SACS: variants seen among roughly 807,000 people sequenced by gnomAD.
SACS encodes the protein sacsin.
SACS carries 197 observed loss-of-function variants against 348.0 expected under a neutral mutation model. The observed-to-expected ratio is 0.57, with a 90% CI of 0.50 to 0.64. SACS has a LOEUF of 0.64. Ranked by LOEUF, SACS falls within the 30% of genes least tolerant of loss-of-function variation. SACS has a pLI of 0.00. For synonymous variants in SACS, 1,985 were observed against 1,910.6 expected (o/e 1.04, Z -1.02); for missense variants, 4,999 against 5,360.8 (o/e 0.93, Z 2.11).
rs1317358991 is a variant in SACS at position 23,341,708 on chromosome 13, A to C, written c.2186-18T>G. On this transcript the variant is annotated intron_variant, in intron 9 of 9. Coordinates refer to ENST00000382292, the MANE Select transcript of SACS (RefSeq NM_014363.6). ...TGGTCTTCCTGTAAATCATACACAG[A>C]AATGTCATAAATACATATAATTCTA... 1 of 1,603,776 alleles carries C rather than the reference A, an allele frequency of 6.2e-7. No individual in the cohort carries two copies. Among genetic ancestry groups the C allele is most frequent in the Admixed American group, 1.7e-5 (1 of 59,986 alleles).
In SACS at chr13:23,339,213, T is replaced by C. The variant is rs371171052; in HGVS notation, c.4663A>G (p.Lys1555Glu). The C allele has an allele frequency of 6.2e-7, 1 of 1,611,228 alleles. No homozygotes were observed. The highest frequency in any genetic ancestry group is 1.3e-5 in the African/African-American group (1 of 74,802). The change falls in exon 10 of 10, where the codon AAA (lysine) becomes GAA (glutamate). Residue 1555 changes from lysine (K) to glutamate (E), a missense_variant. Lys to Glu is a moderately conservative substitution (Grantham distance 56). Around this residue, in one of 6 missense-constraint regions of SACS, gnomAD observed 3,156 missense variants for 3,380.1 expected, o/e 0.93. Transcript: ENST00000382292. ...LKRGEVDKVGKFGLGFNSVYH... is the reference protein window; with the variant it reads ...LKRGEVDKVGEFGLGFNSVYH... ...ACAGAATTAAATCCAAGACCAAATT[T>C]TCCAACTTTGTCAACTTCTCCCCTT...
chr13:23,338,788 C>A lies in SACS; in HGVS notation c.5088G>T (p.Lys1696Asn). The A allele has an allele frequency of 1.2e-6, 2 of 1,612,534 alleles. No individual in the cohort carries two copies. Among genetic ancestry groups the A allele is most frequent in the Admixed American group, 1.7e-5 (1 of 59,852 alleles). ...FTQSVKSMYL[K>N]YLKIEETNPS... ...GGTTGGTTTCCTCAATTTTCAAGTACTTCAAATACATTGACTTTACACTCT... is the reference window on the plus strand; with the variant it reads ...GGTTGGTTTCCTCAATTTTCAAGTAATTCAAATACATTGACTTTACACTCT... The change falls in exon 10 of 10, where the codon AAG becomes AAT. Residue 1696 changes from lysine to asparagine, a missense_variant. Coordinates refer to ENST00000382292, the MANE Select transcript of SACS (RefSeq NM_014363.6).
intron 1 of SACS, among the ~76,000 whole-genome samples, chr13:23,412,959 C>T (rs1449251167): frequency 6.6e-6 from 1 of 152,138 alleles, no homozygotes; most frequent in Admixed American, 6.5e-5. Context: ...CCAAGGAAGC[C>T]TCAGTGAAAA....
intron 2 of SACS, among the ~76,000 whole-genome samples, chr13:23,378,438 G>A (rs1011790453): frequency 1.3e-5 from 2 of 151,994 alleles, no homozygotes; most frequent in South Asian, 2.1e-4. Context: ...TTCCTCTTAC[G>A]TCGATCACCA....
At chr13:23,393,476 C>G (rs1872605316) in intron 2 of SACS, among the ~76,000 whole-genome samples, 1 of 152,158 alleles carries the variant, frequency 6.6e-6, no homozygotes, top group Non-Finnish European at 1.5e-5. Context: ...TGCTCATTTC[C>G]TTGGCCCTCT....
Position 23,338,246 on chromosome 13 carries a change from C to T in SACS, c.5630G>A (p.Arg1877Gln), listed in dbSNP as rs772866081. Residue 1877 changes from arginine (R) to glutamine (Q), a missense_variant, in exon 10 of 10, where the codon CGA becomes CAA. By Grantham distance (43) the Arg-to-Gln change is conservative. Coordinates refer to ENST00000382292, the MANE Select transcript of SACS (RefSeq NM_014363.6). ...ATGAACTGGCAAGCCTGTTTTTATT[C>T]GTAAAGGTAAATAGCAAAACACCTC... Reference protein sequence around the residue: ...IGEVFCYLPLRIKTGLPVHIN... With the variant: ...IGEVFCYLPLQIKTGLPVHIN... The T allele has an allele frequency of 2.3e-5, 37 of 1,613,886 alleles. No individual in the cohort carries two copies. The highest frequency in any genetic ancestry group is 8.3e-5 in the Admixed American group (5 of 59,994).
chr13:23,368,573 A>AT, intron 4 of SACS, 86 bp from the exon 5 acceptor site: 1 of 915,490 alleles, frequency 1.1e-6, no homozygotes, highest in African/African-American at 1.6e-5. Context: ...GAGACATCAT[A>AT]TAACTATACA....
intron 2 of SACS, among the ~76,000 whole-genome samples, chr13:23,388,490 T>A (rs1872396047): frequency 5.1e-5 from 1 of 19,602 alleles, no homozygotes; most frequent in African/African-American, 1.2e-4. Context: ...TGTGTGTGTA[T>A]ATATATATAT....
intron 1 of SACS, among the ~76,000 whole-genome samples, chr13:23,418,027 A>G (rs896451227): frequency 6.7e-6 from 1 of 149,488 alleles, no homozygotes; most frequent in Non-Finnish European, 1.5e-5. Flanking sequence ...AGACTGCATC[A>G]TTGCACTCCA....
intron 2 of SACS, among the ~76,000 whole-genome samples, chr13:23,403,650 T>A (rs1267909764): frequency 6.6e-6 from 1 of 152,180 alleles, no homozygotes; most frequent in Non-Finnish European, 1.5e-5. Context: ...CTTTCTTTAT[T>A]AGTCTGGCTA....
At chr13:23,361,928 C>G (rs560678656) in intron 6 of SACS, among the ~76,000 whole-genome samples, 20 of 152,340 alleles carry the variant, frequency 1.3e-4, no homozygotes, top group African/African-American at 4.3e-4. Context: ...CCAGCCAAAT[C>G]TCCTTGTTAA....
intron 2 of SACS, among the ~76,000 whole-genome samples, chr13:23,394,877 T>C (rs761290550): frequency 5.3e-5 from 8 of 152,154 alleles, no homozygotes; most frequent in Admixed American, 3.3e-4. Flanking sequence ...AGATTCGTCA[T>C]TGGACTCCTG....
intron 2 of SACS, among the ~76,000 whole-genome samples, chr13:23,378,553 G>A (rs1566093552): frequency 6.6e-6 from 1 of 151,950 alleles, no homozygotes; most frequent in Admixed American, 6.6e-5. Flanking sequence ...CAATTCTTGT[G>A]TCCCAGCCTC....
At chr13:23,430,663 A>G (rs1874399830) in intron 1 of SACS, among the ~76,000 whole-genome samples, 1 of 152,238 alleles carries the variant, frequency 6.6e-6, no homozygotes. Flanking sequence ...AAGGATTTAA[A>G]TGATCACCAA....
intron 9 of SACS, among the ~76,000 whole-genome samples, chr13:23,351,685 C>A (rs1242103170): frequency 2.0e-5 from 3 of 152,074 alleles, no homozygotes; most frequent in African/African-American, 7.2e-5. Context: ...ACTAATACAG[C>A]TAGTTATGAG....
intron 9 of SACS, among the ~76,000 whole-genome samples, chr13:23,346,506 A>C (rs1234869097): frequency 6.6e-6 from 1 of 152,160 alleles, no homozygotes; most frequent in Non-Finnish European, 1.5e-5. Context: ...ATTCACTATC[A>C]AACTTCCCAT....
At chr13:23,374,460 A>T (rs1417796762) in intron 3 of SACS, among the ~76,000 whole-genome samples, 1 of 152,242 alleles carries the variant, frequency 6.6e-6, no homozygotes, top group Non-Finnish European at 1.5e-5. Context: ...TCACATGAAG[A>T]TGTTTATTAG....
At position 23,332,730 on chromosome 13, in the gene SACS, T is replaced by C. The variant is rs780342053; in HGVS notation, c.11146A>G (p.Ile3716Val). Reference sequence around the variant, plus strand: ...AGGTCACTACCTTCTTGTTCTTTAATGCTTAAGGGTGTAGCTTTCTCTGGA... The same window carrying C: ...AGGTCACTACCTTCTTGTTCTTTAACGCTTAAGGGTGTAGCTTTCTCTGGA... Reference protein sequence around the residue: ...ILPEKATPLSIKEQEGSDLGP... With the variant: ...ILPEKATPLSVKEQEGSDLGP... Residue 3716 changes from isoleucine to valine, a missense_variant, in exon 10 of 10, where the codon ATT becomes GTT. Around this residue, in one of 6 missense-constraint regions of SACS, gnomAD observed 831 missense variants for 941.8 expected, o/e 0.88. Coordinates refer to ENST00000382292, the MANE Select transcript of SACS (RefSeq NM_014363.6). 3 of 1,614,062 alleles carry C rather than the reference T, an allele frequency of 1.9e-6. No homozygotes were observed. The South Asian group carries it at 3.3e-5, about 18-fold the overall frequency.
At chr13:23,383,860 A>G (rs1472303470) in intron 2 of SACS, among the ~76,000 whole-genome samples, 3 of 152,150 alleles carry the variant, frequency 2.0e-5, no homozygotes, top group African/African-American at 7.2e-5. Flanking sequence ...AGCAGAAAAC[A>G]TGCCTCCATA....
Sources: allele counts gnomAD v4.1 joint callset (sites outside exome capture counted in the v4.1 genomes callset), GRCh38; gene constraint gnomAD v4.1.1; regional missense constraint gnomAD v4.1.1; transcripts MANE v1.5; gene names NCBI Gene and HGNC (gene_info 2026-07-23, HGNC 2026-07-21).